The following GFI1B variants were observed in gnomAD, a reference collection of about 807,000 sequenced individuals.
The protein encoded by GFI1B is zinc finger protein Gfi-1b.
GFI1B carries 20 observed loss-of-function variants against 35.3 expected under a neutral mutation model. The ratio of observed to expected loss-of-function variants is 0.57; its 90% CI spans 0.40 to 0.82. GFI1B has a LOEUF of 0.82. GFI1B is among the 40% of genes least tolerant of loss of function. The pLI, the probability that GFI1B is intolerant of heterozygous loss-of-function variation, is 0.00. For missense variants in GFI1B, 430 were observed against 446.3 expected, an observed-to-expected ratio of 0.96 and a Z score of 0.33; for synonymous variants, 178 against 177.6, an observed-to-expected ratio of 1.00 and a Z score of -0.02.
chr9:132,987,494 G>T, intron 3 of GFI1B, 75 bp downstream of exon 3: 2 of 1,539,344 alleles, frequency 1.3e-6, no homozygotes, highest in Non-Finnish European at 1.8e-6. Flanking sequence ...CTTGCAGCAG[G>T]GCCCCTTGGG....
intron 1 of GFI1B, among the ~76,000 whole-genome samples, chr9:132,960,610 A>C (rs572385402): frequency 1.6e-4 from 24 of 151,856 alleles, no homozygotes; most frequent in Non-Finnish European, 2.4e-4. Context: ...GGTCCTCCCA[A>C]CTCAGCCTCC....
chr9:132,948,079 GGA>G (rs1369005734), intron 1 of GFI1B, among the ~76,000 whole-genome samples: 2 of 152,232 alleles, frequency 1.3e-5, no homozygotes, highest in Admixed American at 1.3e-4. Context: ...ATAAAAGTAC[GGA>G]GTCCTTCTCA....
At chr9:132,962,376 T>C (rs1420992690) in intron 1 of GFI1B, 1 of 233,442 alleles carries the variant, frequency 4.3e-6, no homozygotes, top group Non-Finnish European at 8.8e-6. Flanking sequence ...TGACCTCAGG[T>C]GATCCGCTCA....
chr9:132,981,387 G>A (rs1848814946), intron 1 of GFI1B, among the ~76,000 whole-genome samples: 1 of 152,140 alleles, frequency 6.6e-6, no homozygotes, highest in Non-Finnish European at 1.5e-5. Context: ...CTGAGCTTTG[G>A]AGGAGACATT....
chr9:132,977,710 C>T (rs777613816), upstream of GFI1B, among the ~76,000 whole-genome samples: 2 of 151,928 alleles, frequency 1.3e-5, no homozygotes, highest in Non-Finnish European at 2.9e-5. Context: ...GGACGCCCTG[C>T]CAAATGGGAA....
chr9:132,957,337 C>T (rs1312612255), intron 1 of GFI1B, among the ~76,000 whole-genome samples: 1 of 152,220 alleles, frequency 6.6e-6, no homozygotes, highest in Non-Finnish European at 1.5e-5. Context: ...ATCTACCATC[C>T]TAGTCATCAC....
chr9:132,958,664 G>T (rs892808611), intron 1 of GFI1B, among the ~76,000 whole-genome samples: 1 of 152,192 alleles, frequency 6.6e-6, no homozygotes, highest in African/African-American at 2.4e-5. Context: ...TGAGATTTGG[G>T]CAGGGACACA....
At chr9:132,978,571 A>T (rs934648373), upstream of GFI1B, 4 of 152,214 alleles carry the variant, frequency 2.6e-5, no homozygotes, top group African/African-American at 9.6e-5. Flanking sequence ...TGTGTCCTGG[A>T]AAGTTTTGAT....
At chr9:132,990,012 T>C in intron 6 of GFI1B, 105 bp downstream of exon 6, 3 of 1,037,130 alleles carry the variant, frequency 2.9e-6, no homozygotes, top group Non-Finnish European at 4.4e-6. Context: ...GGGGTCTAGT[T>C]ACAAAGTCAA....
chr9:132,950,351 C>T lies in GFI1B; in HGVS notation c.-701+4682C>T, dbSNP rs548954421. Among the ~76,000 whole-genome samples, 6 of 152,054 alleles carry T rather than the reference C, an allele frequency of 3.9e-5. No individual in the cohort carries two copies. The South Asian group carries it at 1.2e-3, about 32-fold the overall frequency. ...AAGACCCCTGCCCTGAGCCCACTACCCCTATCAAATGCATACCTCCATTCC... is the reference window on the plus strand; with the variant it reads ...AAGACCCCTGCCCTGAGCCCACTACTCCTATCAAATGCATACCTCCATTCC... On this transcript the variant is annotated intron_variant, in intron 1 of 10. Coordinates refer to the GFI1B transcript ENST00000339463.
At chr9:132,966,364 GAA>G (rs373602732) in intron 1 of GFI1B, among the ~76,000 whole-genome samples, 1 of 121,144 alleles carries the variant, frequency 8.3e-6, no homozygotes, top group Admixed American at 8.1e-5. Context: ...ATCTCAAAAA[GAA>G]AAAAAAAAAG....
intron 1 of GFI1B, among the ~76,000 whole-genome samples, chr9:132,984,602 C>T (rs1364741394): frequency 1.3e-5 from 2 of 152,186 alleles, no homozygotes; most frequent in South Asian, 2.1e-4. Context: ...TGCTGGGATG[C>T]GGGGGAGCAC....
intron 1 of GFI1B, among the ~76,000 whole-genome samples, chr9:132,965,697 C>T (rs765290957): frequency 3.9e-5 from 6 of 152,288 alleles, no homozygotes; most frequent in Non-Finnish European, 5.9e-5. Context: ...AAAGATTGCC[C>T]GCAGCCAGCA....
At chr9:132,970,460 G>A (rs1379347045) in intron 1 of GFI1B, among the ~76,000 whole-genome samples, 1 of 152,138 alleles carries the variant, frequency 6.6e-6, no homozygotes, top group Non-Finnish European at 1.5e-5. Context: ...CACGCACACA[G>A]AGAGAGAGCT....
intron 1 of GFI1B, among the ~76,000 whole-genome samples, chr9:132,955,426 A>G (rs1848267776): frequency 6.6e-6 from 1 of 152,104 alleles, no homozygotes. Flanking sequence ...AGTAGCTGGG[A>G]CTATGGGTGC....
At chr9:132,974,005 G>C (rs1353900310), upstream of GFI1B, among the ~76,000 whole-genome samples, 2 of 152,192 alleles carry the variant, frequency 1.3e-5, no homozygotes, top group African/African-American at 2.4e-5. Flanking sequence ...AAACAATTGA[G>C]GAGGAATCTC....
intron 1 of GFI1B, among the ~76,000 whole-genome samples, chr9:132,969,126 T>A (rs1334770083): frequency 6.6e-6 from 1 of 152,146 alleles, no homozygotes; most frequent in Non-Finnish European, 1.5e-5. Context: ...CCTCCCGGGT[T>A]CAAGCGCTTC....
intron 1 of GFI1B, among the ~76,000 whole-genome samples, chr9:132,979,811 G>A (rs999368909): frequency 2.6e-5 from 4 of 152,192 alleles, no homozygotes; most frequent in African/African-American, 4.8e-5. Flanking sequence ...CTGCAGAATC[G>A]CCGTGGGTAT....
intron 1 of GFI1B, among the ~76,000 whole-genome samples, chr9:132,984,119 C>T (rs1230770728): frequency 3.9e-5 from 6 of 152,118 alleles, no homozygotes; most frequent in East Asian, 3.8e-4. Flanking sequence ...AAATATTATG[C>T]GCAAAAAAGG....
Sources: allele counts gnomAD v4.1 joint callset (sites outside exome capture counted in the v4.1 genomes callset), GRCh38; gene constraint gnomAD v4.1.1; transcripts MANE v1.5; gene names NCBI Gene and HGNC (gene_info 2026-07-23, HGNC 2026-07-21).